The following PHTF2 variants were observed in gnomAD, a reference collection of about 807,000 sequenced individuals.
PHTF2 encodes the protein protein PHTF2.
Under a neutral mutation model 101.2 loss-of-function variants are expected in PHTF2, and 60 were observed. The observed-to-expected ratio is 0.59, with a 90% CI of 0.48 to 0.73. PHTF2 has a LOEUF of 0.73. Ranked by LOEUF, PHTF2 falls within the 30% of genes least tolerant of loss-of-function variation. PHTF2 has a pLI of 0.00. For missense variants in PHTF2, 747 were observed against 908.7 expected (o/e 0.82, Z 2.29); for synonymous variants, 311 against 307.3 (o/e 1.01, Z -0.13).
intron 1 of PHTF2, among the ~76,000 whole-genome samples, chr7:77,832,763 C>T (rs992930663): frequency 6.6e-6 from 1 of 151,628 alleles, no homozygotes; most frequent in African/African-American, 2.4e-5. Flanking sequence ...CTCAGGGCTC[C>T]CACTGATTCT....
At chr7:77,872,936 CTT>C (rs1253010205) in intron 3 of PHTF2, among the ~76,000 whole-genome samples, 1 of 146,622 alleles carries the variant, frequency 6.8e-6, no homozygotes, top group Non-Finnish European at 1.5e-5. Flanking sequence ...CTATTAGAAC[CTT>C]TTTTTTTTTG....
intron 3 of PHTF2, among the ~76,000 whole-genome samples, chr7:77,874,857 G>T (rs948270740): frequency 2.6e-5 from 4 of 152,122 alleles, no homozygotes; most frequent in African/African-American, 7.2e-5. Flanking sequence ...AGTTTTCCCA[G>T]CACCATTTAT....
chr7:77,843,430 A>C (rs1198615573), intron 2 of PHTF2, among the ~76,000 whole-genome samples: 1 of 152,148 alleles, frequency 6.6e-6, no homozygotes, highest in African/African-American at 2.4e-5. Context: ...TTCTCTGTTC[A>C]TCTAGTCCAT....
intron 3 of PHTF2, among the ~76,000 whole-genome samples, chr7:77,857,104 C>T (rs1318498809): frequency 2.0e-5 from 3 of 152,138 alleles, no homozygotes; most frequent in African/African-American, 7.2e-5. Flanking sequence ...GTTCTTCATC[C>T]CCTTGGCCAC....
intron 10 of PHTF2, among the ~76,000 whole-genome samples, chr7:77,921,414 A>T (rs1803446348): frequency 6.6e-6 from 1 of 152,222 alleles, no homozygotes; most frequent in Non-Finnish European, 1.5e-5. Flanking sequence ...AAATAGAGAG[A>T]GAGTCAAATT....
At chr7:77,859,852 A>C (rs577919576) in intron 3 of PHTF2, among the ~76,000 whole-genome samples, 1 of 152,204 alleles carries the variant, frequency 6.6e-6, no homozygotes, top group South Asian at 2.1e-4. Context: ...TGGAATTACA[A>C]GTGTGAGCCA....
chr7:77,806,832 G>C (rs996372114), intron 1 of PHTF2, among the ~76,000 whole-genome samples: 4 of 151,892 alleles, frequency 2.6e-5, no homozygotes, highest in Admixed American at 2.6e-4. Flanking sequence ...GTAGTAGCTA[G>C]TATACATCAT....
intron 5 of PHTF2, among the ~76,000 whole-genome samples, chr7:77,894,375 CAG>C (rs1800707937): frequency 6.6e-6 from 1 of 152,144 alleles, no homozygotes; most frequent in Admixed American, 6.6e-5. Flanking sequence ...AATCTGGGCA[CAG>C]ACAGTATTAC....
chr7:77,901,954 G>T (rs1293781653), intron 7 of PHTF2, 34 bp downstream of exon 6: 6 of 1,351,556 alleles, frequency 4.4e-6, no homozygotes, highest in Non-Finnish European at 6.1e-6. Flanking sequence ...TTACTTTTCA[G>T]AATGTTACAT....
chr7:77,916,069 T>G (rs143804124), intron 9 of PHTF2, among the ~76,000 whole-genome samples: 167 of 152,230 alleles, frequency 1.1e-3, no homozygotes, highest in African/African-American at 3.8e-3. Context: ...AATATCAGCT[T>G]CTTTCTGCTT....
At chr7:77,863,271 T>G (rs1797790202) in intron 3 of PHTF2, among the ~76,000 whole-genome samples, 1 of 152,142 alleles carries the variant, frequency 6.6e-6, no homozygotes, top group African/African-American at 2.4e-5. Flanking sequence ...TCTAATGAAG[T>G]AGGATGGTAT....
chr7:77,812,579 ATCT>A (rs745783712), intron 1 of PHTF2, among the ~76,000 whole-genome samples: 8 of 151,734 alleles, frequency 5.3e-5, no homozygotes, highest in South Asian at 2.1e-4. Context: ...TGTGTACATA[ATCT>A]TCTTTTTTTA....
At chr7:77,940,897 T>TTTA (rs1262827370) in intron 15 of PHTF2, among the ~76,000 whole-genome samples, 2 of 152,218 alleles carry the variant, frequency 1.3e-5, no homozygotes, top group African/African-American at 4.8e-5. Context: ...AGTGACCTAT[T>TTTA]ACTATTTTAA....
chr7:77,804,532 G>A (rs1368756922), intron 1 of PHTF2, among the ~76,000 whole-genome samples: 3 of 152,118 alleles, frequency 2.0e-5, no homozygotes, highest in African/African-American at 4.8e-5. Context: ...CACCTTGTTG[G>A]CCAGGCTGGT....
At chr7:77,814,302 A>G (rs1014206038) in intron 1 of PHTF2, among the ~76,000 whole-genome samples, 1 of 152,234 alleles carries the variant, frequency 6.6e-6, no homozygotes, top group African/African-American at 2.4e-5. Flanking sequence ...ATCAGTGATC[A>G]ATACATAACC....
chr7:77,901,649 A>G (rs1801405055), intron 6 of PHTF2, 113 bp from the exon 6 acceptor site: 1 of 481,040 alleles, frequency 2.1e-6, no homozygotes, highest in East Asian at 3.4e-5. Flanking sequence ...CTCATAGTAT[A>G]ATACAGAATA....
Position 77,908,749 on chromosome 7 carries a change from C to CT in PHTF2, c.446-43dup, listed in dbSNP as rs1231237477. 8 of 1,250,716 alleles carry CT rather than the reference C, an allele frequency of 6.4e-6. No homozygotes were observed. The African/African-American group carries it at 1.1e-4, about 17-fold the overall frequency. The allele number at this position is 1,250,716 out of a possible 1,614,324, so 77.5% of individuals were successfully genotyped here. A position where few individuals can be genotyped will look rare whatever the true frequency, so the allele number is the denominator to read the frequency against. The stretch of plus-strand genomic sequence containing the variant: ...AATTTTAAAAGTTTTGAAGAGGTGA[C>CT]TATCAGATCTATAATTAAGCATATT... On this transcript the variant is annotated intron_variant, in intron 7 of 19. Coordinates refer to ENST00000416283, the Ensembl canonical transcript of PHTF2.
chr7:77,839,637 CAGTT>C lies in PHTF2; in HGVS notation c.-35-581_-35-578del, dbSNP rs1455253675. ...TTAATTGTCATAACTACTTAAATGA[CAGTT>C]AGCAAACTGTGATATCTGGGAAGTC... On this transcript the variant is annotated intron_variant, in intron 1 of 19. Transcript: ENST00000416283. Among the ~76,000 whole-genome samples, 8 of 152,184 alleles carry C rather than the reference CAGTT, an allele frequency of 5.3e-5. 1 individual carries two copies. Among genetic ancestry groups the C allele is most frequent in the Middle Eastern group, 6.8e-3 (2 of 292 alleles).
At chr7:77,838,865 A>C (rs1795661520) in intron 1 of PHTF2, among the ~76,000 whole-genome samples, 1 of 152,194 alleles carries the variant, frequency 6.6e-6, no homozygotes, top group Non-Finnish European at 1.5e-5. Flanking sequence ...AAGGTTATAA[A>C]ATAATTTGGT....
Sources: allele counts gnomAD v4.1 joint callset (sites outside exome capture counted in the v4.1 genomes callset), GRCh38; gene constraint gnomAD v4.1.1; transcripts MANE v1.5; gene names NCBI Gene and HGNC (gene_info 2026-07-23, HGNC 2026-07-21).